Variants in NSUN4 observed in about 807,000 individuals in gnomAD.
NSUN4 encodes NOP2/Sun RNA methyltransferase 4.
A neutral mutation model predicts 43.8 loss-of-function variants in NSUN4; 31 were observed. That is an observed-to-expected ratio of 0.71 (90% CI 0.53 to 0.96). NSUN4 has a LOEUF of 0.96. Among genes scored for constraint, NSUN4 ranks in the 40% least tolerant of loss-of-function variants. The pLI is 0.00. For missense variants in NSUN4, 439 were observed against 475.6 expected (o/e 0.92, Z 0.72); for synonymous variants, 167 against 184.1 (o/e 0.91, Z 0.75).
chr1:46,348,808 GTTTTT>G (rs869234807), intron 3 of NSUN4, among the ~76,000 whole-genome samples: 2,399 of 77,864 alleles, frequency 0.031, 58 homozygotes, highest in African/African-American at 0.12. Context: ...CTTGTGCACT[GTTTTT>G]TTTTTTTTTT....
At chr1:46,381,881 T>C in the NSUN4 span, among the ~76,000 whole-genome samples, 3 of 152,166 alleles carry the variant, frequency 2.0e-5, no homozygotes, top group African/African-American at 7.2e-5. Context: ...GAAACTGAGG[T>C]CTAGGACTTG....
At chr1:46,358,156 C>T (rs1054310159) in intron 4 of NSUN4, among the ~76,000 whole-genome samples, 4 of 151,214 alleles carry the variant, frequency 2.6e-5, no homozygotes, top group East Asian at 1.9e-4. Context: ...AGTGCAGTGG[C>T]GCAATCTTGG....
At chr1:46,350,979 C>T (rs563732908) in intron 3 of NSUN4, among the ~76,000 whole-genome samples, 15 of 152,338 alleles carry the variant, frequency 9.8e-5, no homozygotes, top group African/African-American at 3.6e-4. Context: ...CCAATTATGT[C>T]AGCCTTTTAA....
At chr1:46,368,414 A>G (rs556325784), downstream of NSUN4, among the ~76,000 whole-genome samples, 1 of 152,244 alleles carries the variant, frequency 6.6e-6, no homozygotes, top group East Asian at 1.9e-4. Context: ...ATGCTGTGCA[A>G]CTTCTGCATG....
At position 46,345,081 on chromosome 1, in the gene NSUN4, G is replaced by A; in HGVS notation, c.374G>A (p.Cys125Tyr). 1 of 1,614,116 alleles carries A rather than the reference G, an allele frequency of 6.2e-7. No homozygotes were observed. The highest frequency in any genetic ancestry group is 1.6e-4 in the Middle Eastern group (1 of 6,062). ...GCCCCATCCCCTGCCTCCTGGGCCT[G>A]CAGTCCGAACCTTCGATGCTTCACT... ...SAAPSPASWA[C>Y]SPNLRCFTFD... The change falls in exon 2 of 6, where the codon TGC (cysteine) becomes TAC (tyrosine). Residue 125 changes from cysteine (C) to tyrosine (Y), a missense_variant. By Grantham distance (194) the Cys-to-Tyr change is radical (BLOSUM62 -2). Coordinates refer to ENST00000474844, the MANE Select transcript of NSUN4 (RefSeq NM_199044.4).
chr1:46,352,651 G>C (rs1414122761), intron 3 of NSUN4, among the ~76,000 whole-genome samples: 1 of 152,188 alleles, frequency 6.6e-6, no homozygotes. Context: ...TTTATTCATT[G>C]ACTTAAATAA....
Position 46,344,903 on chromosome 1 carries a change from A to G in NSUN4, c.196A>G (p.Ser66Gly), listed in dbSNP as rs1662372810. 6.2e-7 allele frequency: 1 copy of G among 1,614,216 alleles called. No individual in the cohort carries two copies. The highest frequency in any genetic ancestry group is 2.2e-5 in the East Asian group (1 of 44,888). ...AGATCTTTGGCCATCAATCCGTGTC[A>G]GTCTCCTCTCAGAGCAGAAGTATGG... ...FGDLWPSIRV[S>G]LLSEQKYGAL... Residue 66 changes from serine to glycine, a missense_variant, in exon 2 of 6, where the codon AGT becomes GGT. Coordinates refer to ENST00000474844, the MANE Select transcript of NSUN4 (RefSeq NM_199044.4).
chr1:46,380,280 G>C, the NSUN4 span, among the ~76,000 whole-genome samples: 2 of 152,216 alleles, frequency 1.3e-5, no homozygotes, highest in Admixed American at 6.5e-5. Flanking sequence ...GCTGACTGCG[G>C]ATGCTGACAG....
At chr1:46,374,289 C>CAAAAAAAA in the NSUN4 span, among the ~76,000 whole-genome samples, 8 of 42,898 alleles carry the variant, frequency 1.9e-4, no homozygotes, top group African/African-American at 6.7e-4. Context: ...TCTGTCTCAC[C>CAAAAAAAA]AAAAAAAAAA....
In NSUN4 at chr1:46,361,581, T is replaced by C; in HGVS notation, c.890T>C (p.Leu297Pro). The C allele has an allele frequency of 6.2e-7, 1 of 1,613,904 alleles. No individual in the cohort carries two copies. Among genetic ancestry groups the C allele is most frequent in the Non-Finnish European group, 8.5e-7 (1 of 1,179,830 alleles). The change falls in exon 6 of 6, where the codon CTT becomes CCT. Residue 297 changes from leucine (L) to proline (P), a missense_variant. Coordinates refer to ENST00000474844, the MANE Select transcript of NSUN4 (RefSeq NM_199044.4). ...LQVQLLAAGL[L>P]ATKPGGHVVY... ...CTTTCTGGTTTCAGGGCTGGACTCC[T>C]TGCCACCAAACCAGGAGGCCATGTT...
At chr1:46,346,841 G>C (rs1662540040) in intron 2 of NSUN4, 80 bp from the exon 3 acceptor site, 5 of 1,169,800 alleles carry the variant, frequency 4.3e-6, no homozygotes, top group Admixed American at 2.1e-5. Flanking sequence ...AAGCCCCAGA[G>C]GGCATAGACT....
intron 3 of NSUN4, among the ~76,000 whole-genome samples, chr1:46,348,808 GTTTTTTTTTTTTTTT>G (rs869234807): frequency 1.3e-5 from 1 of 77,842 alleles, no homozygotes; most frequent in Non-Finnish European, 2.3e-5. Flanking sequence ...CTTGTGCACT[GTTTTTTTTTTTTTTT>G]TTTTTTTTTG....
the NSUN4 span, among the ~76,000 whole-genome samples, chr1:46,383,818 C>CT: frequency 4.0e-5 from 6 of 151,476 alleles, no homozygotes; most frequent in African/African-American, 1.5e-4. Flanking sequence ...ATAAAATTTT[C>CT]TTTTTTTTTC....
At chr1:46,360,245 AAAAAATAT>A (rs1368168178) in intron 4 of NSUN4, among the ~76,000 whole-genome samples, 6 of 45,610 alleles carry the variant, frequency 1.3e-4, no homozygotes, top group African/African-American at 3.8e-4. Context: ...AAAAAAAAAA[AAAAAATAT>A]ATATATATAT....
At chr1:46,368,558 T>G (rs1664188048), downstream of NSUN4, among the ~76,000 whole-genome samples, 1 of 152,132 alleles carries the variant, frequency 6.6e-6, no homozygotes, top group Non-Finnish European at 1.5e-5. Flanking sequence ...GTTAAACGGT[T>G]AGGTGACCCA....
rs182879669 is a variant in NSUN4 at position 46,362,660 on chromosome 1, A to G, written c.*814A>G. ...TTGTGGGAGATTACTGGGCTTCCTC[A>G]TCCTTTAGAATGGTAACTCTCCTTT... On this transcript the variant is annotated 3_prime_UTR_variant, in exon 6 of 6. Transcript: ENST00000474844. 1.3e-5 allele frequency: 2 copies of G among 152,318 alleles called. No homozygotes were observed. The highest frequency in any genetic ancestry group is 4.8e-5 in the African/African-American group (2 of 41,580). 9.4% of individuals were successfully genotyped at this position (152,318 alleles called of 1,614,324 possible).
the NSUN4 span, among the ~76,000 whole-genome samples, chr1:46,378,093 C>T: frequency 1.6e-4 from 25 of 152,074 alleles, no homozygotes; most frequent in East Asian, 4.8e-3. Context: ...GAGACAGGGT[C>T]TCCCTATGTT....
the NSUN4 span, among the ~76,000 whole-genome samples, chr1:46,371,630 C>T: frequency 6.6e-5 from 10 of 152,114 alleles, no homozygotes; most frequent in South Asian, 2.1e-4. Context: ...TTAGTAGAGA[C>T]GGGGTTTCAC....
chr1:46,344,518 G>A (rs1357110550), intron 1 of NSUN4, among the ~76,000 whole-genome samples: 1 of 152,166 alleles, frequency 6.6e-6, no homozygotes, highest in African/African-American at 2.4e-5. Flanking sequence ...GTCCTCTCCT[G>A]AGCTCCCATA....
Sources: gnomAD v4.1 joint callset for allele counts (sites outside exome capture counted in the v4.1 genomes callset) on GRCh38, gnomAD v4.1.1 for gene constraint, MANE v1.5 for transcripts, NCBI Gene and HGNC (gene_info 2026-07-23, HGNC 2026-07-21) for gene names.